KHDRBS2: variants seen among roughly 807,000 people sequenced by gnomAD.
The protein encoded by KHDRBS2 is KH RNA binding domain containing, signal transduction associated 2.
KHDRBS2 carries 26 observed loss-of-function variants against 44.3 expected under a neutral mutation model. The ratio of observed to expected loss-of-function variants is 0.59; its 90% CI spans 0.43 to 0.81. KHDRBS2 has a LOEUF of 0.81. Ranked by LOEUF, KHDRBS2 falls within the 40% of genes least tolerant of loss-of-function variation. KHDRBS2 has a pLI of 0.00. For synonymous variants in KHDRBS2, 194 were observed against 151.1 expected, an observed-to-expected ratio of 1.28 and a Z score of -2.08; for missense variants, 476 against 433.1, an observed-to-expected ratio of 1.10 and a Z score of -0.88.
intron 1 of KHDRBS2, among the ~76,000 whole-genome samples, chr6:62,211,307 G>A (rs557053573): frequency 4.6e-5 from 7 of 152,186 alleles, no homozygotes; most frequent in African/African-American, 1.7e-4. Context: ...AGAAATAGTT[G>A]AAGTGGAAAT....
chr6:61,745,475 T>C lies in KHDRBS2; in HGVS notation c.811-12711A>G, dbSNP rs1182150258. ...ATCTATTTTAAATGTGTTAATGCTT[T>C]ATGTACTTCATATTGTAGGCATCCT... On this transcript the variant is annotated intron_variant, in intron 6 of 8. Transcript: ENST00000281156. Among the ~76,000 whole-genome samples the C allele has an allele frequency of 4.6e-5, 7 of 152,142 alleles. No homozygotes were observed. In the East Asian group the frequency reaches 1.3e-3, roughly 29 times the overall value.
intron 1 of KHDRBS2, among the ~76,000 whole-genome samples, chr6:62,184,527 T>G (rs6903117): frequency 1.3e-5 from 2 of 151,398 alleles, no homozygotes; most frequent in African/African-American, 4.8e-5. Flanking sequence ...AATGTAAAAA[T>G]TGAGGAGTCC....
chr6:62,153,615 TG>T (rs1038363568), intron 2 of KHDRBS2, among the ~76,000 whole-genome samples: 2 of 152,130 alleles, frequency 1.3e-5, no homozygotes, highest in Non-Finnish European at 2.9e-5. Context: ...TTTTAAAGCA[TG>T]GGGAGAAAAA....
intron 1 of KHDRBS2, among the ~76,000 whole-genome samples, chr6:62,187,954 G>T (rs1201207578): frequency 2.0e-5 from 3 of 151,956 alleles, no homozygotes; most frequent in Admixed American, 1.3e-4. Context: ...TTGGCTTTTG[G>T]TGAGACCCAG....
At chr6:61,949,171 G>A (rs954025362) in intron 4 of KHDRBS2, among the ~76,000 whole-genome samples, 1 of 151,984 alleles carries the variant, frequency 6.6e-6, no homozygotes, top group African/African-American at 2.4e-5. Context: ...GTTTAAGTAG[G>A]GGTGAGAATA....
At chr6:62,207,145 A>C (rs938741081) in intron 1 of KHDRBS2, among the ~76,000 whole-genome samples, 42 of 152,124 alleles carry the variant, frequency 2.8e-4, no homozygotes, top group African/African-American at 9.7e-4. Flanking sequence ...AAACTTGTTC[A>C]ACATCTAATT....
chr6:61,646,264 C>G, the KHDRBS2 span, among the ~76,000 whole-genome samples: 6 of 152,130 alleles, frequency 3.9e-5, no homozygotes, highest in Non-Finnish European at 7.3e-5. Flanking sequence ...TGAGCACACA[C>G]TGCTATAAAC....
intron 6 of KHDRBS2, among the ~76,000 whole-genome samples, chr6:61,891,401 TG>T (rs1562379585): frequency 6.6e-6 from 1 of 152,186 alleles, no homozygotes; most frequent in Non-Finnish European, 1.5e-5. Flanking sequence ...TCTCTTTTTT[TG>T]TTGTGTCTCT....
chr6:62,228,511 C>T (rs1832315258), intron 1 of KHDRBS2, among the ~76,000 whole-genome samples: 1 of 151,922 alleles, frequency 6.6e-6, no homozygotes, highest in African/African-American at 2.4e-5. Context: ...GAGGGTTTTT[C>T]ATGTCTCTGT....
At chr6:62,189,648 A>T (rs1466147854) in intron 1 of KHDRBS2, among the ~76,000 whole-genome samples, 2 of 152,134 alleles carry the variant, frequency 1.3e-5, no homozygotes, top group South Asian at 4.1e-4. Flanking sequence ...GTGAGATATG[A>T]TGAAGGATAA....
chr6:61,719,714 T>A (rs1172826038), intron 7 of KHDRBS2, among the ~76,000 whole-genome samples: 2 of 152,132 alleles, frequency 1.3e-5, no homozygotes, highest in Non-Finnish European at 2.9e-5. Flanking sequence ...ATCATTGTCA[T>A]CTTTACCAGT....
intron 2 of KHDRBS2, among the ~76,000 whole-genome samples, chr6:62,062,270 A>C (rs999529594): frequency 6.7e-6 from 1 of 148,462 alleles, no homozygotes; most frequent in African/African-American, 2.5e-5. Flanking sequence ...GCTCTGCACC[A>C]AGCAGACCTA....
chr6:62,188,973 C>T (rs540887014), intron 1 of KHDRBS2, among the ~76,000 whole-genome samples: 2 of 151,830 alleles, frequency 1.3e-5, no homozygotes, highest in Non-Finnish European at 1.5e-5. Flanking sequence ...AGATTAGCCA[C>T]GTGTGGTGGC....
chr6:61,637,310 T>C, the KHDRBS2 span, among the ~76,000 whole-genome samples: 3 of 152,136 alleles, frequency 2.0e-5, no homozygotes, highest in Admixed American at 6.6e-5. Flanking sequence ...TGCGATAGTT[T>C]GCTGAGAATG....
chr6:61,636,684 C>T, the KHDRBS2 span, among the ~76,000 whole-genome samples: 2 of 152,040 alleles, frequency 1.3e-5, no homozygotes, highest in African/African-American at 4.8e-5. Context: ...GATGGCTCTC[C>T]ACCACTAAGA....
intron 6 of KHDRBS2, among the ~76,000 whole-genome samples, chr6:61,856,120 C>G (rs1207688929): frequency 1.3e-5 from 2 of 152,018 alleles, no homozygotes; most frequent in Non-Finnish European, 2.9e-5. Context: ...CAGTGTTTTC[C>G]CATCTCCCAG....
intron 6 of KHDRBS2, among the ~76,000 whole-genome samples, chr6:61,787,303 C>T (rs565254175): frequency 6.6e-6 from 1 of 151,584 alleles, no homozygotes; most frequent in East Asian, 1.9e-4. Context: ...AAATTAACTG[C>T]CAAAGGGTGT....
chr6:61,712,895 C>T (rs1770762347), intron 7 of KHDRBS2, among the ~76,000 whole-genome samples: 1 of 151,584 alleles, frequency 6.6e-6, no homozygotes, highest in South Asian at 2.1e-4. Context: ...AACTCAAGTC[C>T]ACAATTATTT....
At chr6:61,996,488 TG>T (rs1163035322) in intron 3 of KHDRBS2, among the ~76,000 whole-genome samples, 1 of 152,190 alleles carries the variant, frequency 6.6e-6, no homozygotes, top group East Asian at 1.9e-4. Flanking sequence ...GTTTGCTAAA[TG>T]TTTTTTTCTG....
Sources: allele counts gnomAD v4.1 joint callset (sites outside exome capture counted in the v4.1 genomes callset), GRCh38; gene constraint gnomAD v4.1.1; transcripts MANE v1.5; gene names NCBI Gene and HGNC (gene_info 2026-07-23, HGNC 2026-07-21).